The following MAP4K3 variants were observed in gnomAD, a reference collection of about 807,000 sequenced individuals.
MAP4K3 encodes the protein mitogen-activated protein kinase kinase kinase kinase 3.
MAP4K3 carries 94 observed loss-of-function variants against 143.5 expected under a neutral mutation model. The ratio of observed to expected loss-of-function variants is 0.65; its 90% CI spans 0.55 to 0.78. MAP4K3 has a LOEUF of 0.78. Among genes scored for constraint, MAP4K3 ranks in the 30% least tolerant of loss-of-function variants. The pLI is 0.00. For missense variants in MAP4K3, 1,077 were observed against 1,068.1 expected, an observed-to-expected ratio of 1.01 and a Z score of -0.12; for synonymous variants, 416 against 347.2, an observed-to-expected ratio of 1.20 and a Z score of -2.20.
chr2:39,267,371 AT>A, intron 26 of MAP4K3, 124 bp from the exon 27 acceptor site: 1 of 726,088 alleles, frequency 1.4e-6, no homozygotes, highest in South Asian at 1.6e-5. Flanking sequence ...TAGCTCATCT[AT>A]TAAAATTAGA....
intron 3 of MAP4K3, among the ~76,000 whole-genome samples, chr2:39,347,140 G>T (rs1665315799): frequency 6.6e-6 from 1 of 152,152 alleles, no homozygotes; most frequent in African/African-American, 2.4e-5. Flanking sequence ...TACATGAAGT[G>T]TGAAAATGAC....
chr2:39,421,280 A>T (rs1011422889), intron 1 of MAP4K3, among the ~76,000 whole-genome samples: 2 of 151,974 alleles, frequency 1.3e-5, no homozygotes, highest in African/African-American at 4.8e-5. Flanking sequence ...CAACACAGTG[A>T]CTACAAGGCA....
intron 1 of MAP4K3, among the ~76,000 whole-genome samples, chr2:39,391,853 G>C (rs908107509): frequency 6.6e-6 from 1 of 151,940 alleles, no homozygotes; most frequent in African/African-American, 2.4e-5. Context: ...TCGTAATCTC[G>C]CTGGTACAAA....
At chr2:39,316,994 A>C (rs533567532) in intron 12 of MAP4K3, among the ~76,000 whole-genome samples, 1 of 152,184 alleles carries the variant, frequency 6.6e-6, no homozygotes, top group Non-Finnish European at 1.5e-5. Context: ...CAGGCATCAC[A>C]TTACCTGATT....
At chr2:39,279,571 G>T (rs17023547) in intron 23 of MAP4K3, among the ~76,000 whole-genome samples, 5,738 of 152,152 alleles carry the variant, frequency 0.038, 136 homozygotes, top group South Asian at 0.055. Context: ...TGTGATTATG[G>T]CCCCTTTTAA....
intron 3 of MAP4K3, among the ~76,000 whole-genome samples, chr2:39,355,908 G>A (rs1361312947): frequency 6.6e-6 from 1 of 152,164 alleles, no homozygotes; most frequent in Non-Finnish European, 1.5e-5. Context: ...CACATAGCTG[G>A]AAGAGATGCT....
chr2:39,302,045 TA>T (rs200405037), intron 15 of MAP4K3, among the ~76,000 whole-genome samples: 3 of 149,654 alleles, frequency 2.0e-5, no homozygotes, highest in East Asian at 2.0e-4. Flanking sequence ...TAAAAAAAAT[TA>T]AAAAAAAATA....
chr2:39,260,234 C>A (rs558538036), intron 29 of MAP4K3, among the ~76,000 whole-genome samples: 1 of 152,136 alleles, frequency 6.6e-6, no homozygotes, highest in Non-Finnish European at 1.5e-5. Flanking sequence ...CCATCTTGGC[C>A]TCCCTGGTAG....
intron 18 of MAP4K3, among the ~76,000 whole-genome samples, chr2:39,291,563 G>A (rs1682048353): frequency 6.6e-6 from 1 of 152,142 alleles, no homozygotes; most frequent in African/African-American, 2.4e-5. Context: ...ACTGAAGTTA[G>A]GATTCATTAT....
intron 12 of MAP4K3, among the ~76,000 whole-genome samples, chr2:39,325,266 C>A (rs1048333217): frequency 3.3e-5 from 5 of 152,152 alleles, no homozygotes; most frequent in Admixed American, 3.3e-4. Context: ...ACAGTGATTT[C>A]AACAAGTGGA....
intron 12 of MAP4K3, among the ~76,000 whole-genome samples, chr2:39,318,807 C>G (rs1426192728): frequency 3.9e-5 from 6 of 152,166 alleles, no homozygotes; most frequent in African/African-American, 1.4e-4. Flanking sequence ...TTGTTATCAT[C>G]AAATAATATA....
intron 28 of MAP4K3, 115 bp from the exon 29 acceptor site, chr2:39,260,892 A>G: frequency 1.4e-6 from 1 of 692,684 alleles, no homozygotes; most frequent in Non-Finnish European, 2.4e-6. Flanking sequence ...ACAGAAATTC[A>G]GGTAATGCAG....
At chr2:39,399,567 T>C (rs1666900179) in intron 1 of MAP4K3, among the ~76,000 whole-genome samples, 1 of 152,230 alleles carries the variant, frequency 6.6e-6, no homozygotes, top group Admixed American at 6.5e-5. Context: ...CTCAGTCACA[T>C]AAATGAGTAC....
chr2:39,303,590 G>C (rs182673550), intron 15 of MAP4K3, among the ~76,000 whole-genome samples: 1 of 152,308 alleles, frequency 6.6e-6, no homozygotes, highest in Admixed American at 6.5e-5. Context: ...CCAAGCTGGA[G>C]TGCAGTGGCA....
chr2:39,304,270 A>G (rs2542007), intron 15 of MAP4K3, among the ~76,000 whole-genome samples: 148,805 of 152,190 alleles, frequency 0.98, 72,860 homozygotes, highest in South Asian at 1. Context: ...CAGAAATCAC[A>G]GGTAATATGG....
chr2:39,368,302 G>A (rs1300610464), intron 2 of MAP4K3, among the ~76,000 whole-genome samples: 12 of 151,998 alleles, frequency 7.9e-5, no homozygotes, highest in Admixed American at 7.9e-4. Flanking sequence ...TTTAAGGGAA[G>A]TGAAGAATAC....
At chr2:39,436,650 A>C (rs1436670478) in intron 1 of MAP4K3, 1 of 541,376 alleles carries the variant, frequency 1.8e-6, no homozygotes, top group Non-Finnish European at 3.3e-6. Context: ...GCGCGCAAGA[A>C]GGGAGGTGGC....
At chr2:39,322,416 T>C (rs1451138563) in intron 12 of MAP4K3, among the ~76,000 whole-genome samples, 1 of 152,106 alleles carries the variant, frequency 6.6e-6, no homozygotes. Flanking sequence ...ATGCTGTACA[T>C]AGTAAGTGGG....
rs368431638 is a variant in MAP4K3, at chr2:39,356,861, T to C, written c.155-522A>G. Among the ~76,000 whole-genome samples, 13 of 152,326 alleles carry C rather than the reference T, an allele frequency of 8.5e-5. 2 individuals carry two copies. The highest frequency in any genetic ancestry group is 5.2e-4 in the Admixed American group (8 of 15,292). ...TCCTTTATTTCCAAGTAACATTTAATATAATTTTAGCACAAAGAAGTAATT... is the reference window on the plus strand; with the variant it reads ...TCCTTTATTTCCAAGTAACATTTAACATAATTTTAGCACAAAGAAGTAATT... On this transcript the variant is annotated intron_variant, in intron 2 of 33. Coordinates refer to ENST00000263881, the MANE Select transcript of MAP4K3 (RefSeq NM_003618.4).
Sources: allele counts gnomAD v4.1 joint callset (sites outside exome capture counted in the v4.1 genomes callset), GRCh38; gene constraint gnomAD v4.1.1; transcripts MANE v1.5; gene names NCBI Gene and HGNC (gene_info 2026-07-23, HGNC 2026-07-21).